CHRM3: variants seen among roughly 807,000 people sequenced by gnomAD.
CHRM3 encodes the protein muscarinic acetylcholine receptor M3.
A neutral mutation model predicts 41.8 loss-of-function variants in CHRM3; 11 were observed. That is an observed-to-expected ratio of 0.26 (90% CI 0.17 to 0.44). The LOEUF is 0.44. CHRM3 is among the 20% of genes least tolerant of loss of function. CHRM3 has a pLI of 1.00. For synonymous variants in CHRM3, 297 were observed against 301.4 expected (o/e 0.99, Z 0.15); for missense variants, 571 against 745.4 (o/e 0.77, Z 2.72).
At chr1:239,512,196 T>G (rs1558279103) in intron 2 of CHRM3, among the ~76,000 whole-genome samples, 1 of 152,186 alleles carries the variant, frequency 6.6e-6, no homozygotes, top group Non-Finnish European at 1.5e-5. Flanking sequence ...CAGTTCACTC[T>G]TGGATAGCCA....
chr1:239,881,281 T>C (rs1360288897), intron 6 of CHRM3, among the ~76,000 whole-genome samples: 2 of 1,124 alleles, frequency 1.8e-3, no homozygotes, highest in Non-Finnish European at 2.9e-3. Flanking sequence ...AGACTCCGTC[T>C]CAAAAAAAAA....
chr1:239,442,217 G>T (rs1041929093), intron 1 of CHRM3, among the ~76,000 whole-genome samples: 1 of 150,540 alleles, frequency 6.6e-6, no homozygotes, highest in Non-Finnish European at 1.5e-5. Flanking sequence ...AGCAATTCTT[G>T]TGCCTCAGCC....
intron 6 of CHRM3, among the ~76,000 whole-genome samples, chr1:239,837,514 T>G (rs920538677): frequency 6.6e-6 from 1 of 152,198 alleles, no homozygotes; most frequent in Non-Finnish European, 1.5e-5. Flanking sequence ...ACAGACATTT[T>G]GCAACCCATC....
chr1:239,614,226 A>G (rs1265400678), intron 3 of CHRM3, among the ~76,000 whole-genome samples: 2 of 152,166 alleles, frequency 1.3e-5, no homozygotes, highest in Non-Finnish European at 2.9e-5. Flanking sequence ...TTAAGAGAAA[A>G]ACAAAAGAGC....
intron 5 of CHRM3, among the ~76,000 whole-genome samples, chr1:239,817,865 T>C (rs1391330546): frequency 6.6e-6 from 1 of 152,130 alleles, no homozygotes; most frequent in African/African-American, 2.4e-5. Flanking sequence ...AGGTGCCACT[T>C]ACTAGCCACG....
rs1404783889 is a variant in CHRM3 at position 239,717,469 on chromosome 1, A to G, written c.-147+39181A>G. 1.4e-4 allele frequency among the ~76,000 whole-genome samples: 6 copies of G among 43,856 alleles called. No individual in the cohort carries two copies. The East Asian group carries it at 3.3e-3, about 24-fold the overall frequency. 28.8% of individuals were successfully genotyped at this position (43,856 alleles called of 152,430 possible). On this transcript the variant is annotated intron_variant, in intron 5 of 6. Coordinates refer to ENST00000676153, the MANE Select transcript of CHRM3 (RefSeq NM_001375978.1). ...AGAACTCAAGGAAAGACACACACGC[A>G]CACACACACACACACATGATTTTTA... is the stretch of plus-strand genomic sequence containing the variant.
chr1:239,697,638 A>C lies in CHRM3; in HGVS notation c.-147+19350A>C, dbSNP rs1009178952. On this transcript the variant is annotated intron_variant, in intron 5 of 6. Transcript: ENST00000676153. ...TCCAGCAAAGGAGGAAGAATTCAAG[A>C]CACATAAGAGAGAGGGAGGCAACAG... Among the ~76,000 whole-genome samples the C allele has an allele frequency of 2.0e-5, 3 of 152,200 alleles. No individual in the cohort carries two copies. The East Asian group carries it at 5.8e-4, about 29-fold the overall frequency.
intron 3 of CHRM3, among the ~76,000 whole-genome samples, chr1:239,604,109 ATCT>A (rs925697730): frequency 8.5e-5 from 13 of 152,186 alleles, no homozygotes; most frequent in African/African-American, 3.1e-4. Context: ...TGAATTAAAC[ATCT>A]TCTTCTTTGT....
intron 5 of CHRM3, among the ~76,000 whole-genome samples, chr1:239,822,048 CT>C (rs1401213594): frequency 6.6e-6 from 1 of 152,226 alleles, no homozygotes; most frequent in Non-Finnish European, 1.5e-5. Flanking sequence ...CCATGTGGAA[CT>C]GAGTCAATTA....
At chr1:239,443,190 CT>C (rs1245672650) in intron 1 of CHRM3, among the ~76,000 whole-genome samples, 1 of 152,078 alleles carries the variant, frequency 6.6e-6, no homozygotes, top group Non-Finnish European at 1.5e-5. Context: ...CAATATTTGT[CT>C]TTGCTCATGT....
At position 239,904,543 on chromosome 1, in the gene CHRM3, T is replaced by A. The variant is rs1679824391; in HGVS notation, c.-19-2890T>A. On this transcript the variant is annotated intron_variant, in intron 6 of 6. Transcript: ENST00000676153. ...GGATGGGGGGAGAGCAGCAGACAGA[T>A]CTTCTGTACATGCATCTTGGAAGAA... is the stretch of plus-strand genomic sequence containing the variant. Among the ~76,000 whole-genome samples the A allele has an allele frequency of 4.6e-5, 7 of 152,296 alleles. No homozygotes were observed. In the South Asian group the frequency reaches 1.5e-3, roughly 32 times the overall value.
intron 5 of CHRM3, among the ~76,000 whole-genome samples, chr1:239,796,066 A>G (rs1276671304): frequency 6.6e-6 from 1 of 152,160 alleles, no homozygotes; most frequent in African/African-American, 2.4e-5. Context: ...AAAATGCTGA[A>G]ACTCCTGTTG....
chr1:239,449,921 C>T (rs1440599340), intron 1 of CHRM3, among the ~76,000 whole-genome samples: 13 of 152,192 alleles, frequency 8.5e-5, no homozygotes, highest in South Asian at 6.2e-4. Flanking sequence ...GGTTGAGTTC[C>T]GGCTTTCAAA....
chr1:239,421,829 C>T (rs1377367064), intron 1 of CHRM3, among the ~76,000 whole-genome samples: 1 of 152,100 alleles, frequency 6.6e-6, no homozygotes, highest in Non-Finnish European at 1.5e-5. Context: ...TGCCAAACCA[C>T]ACCATACTGA....
chr1:239,561,024 A>G (rs1357846192), intron 3 of CHRM3, among the ~76,000 whole-genome samples: 1 of 152,140 alleles, frequency 6.6e-6, no homozygotes, highest in Non-Finnish European at 1.5e-5. Flanking sequence ...TTATTGAATC[A>G]GTCTCAGAAC....
chr1:239,715,563 A>G (rs1180077289), intron 5 of CHRM3, among the ~76,000 whole-genome samples: 1 of 152,174 alleles, frequency 6.6e-6, no homozygotes, highest in Non-Finnish European at 1.5e-5. Flanking sequence ...TATCAGCTCC[A>G]GTGCACCACC....
chr1:239,669,617 AG>A (rs1214952248), intron 4 of CHRM3, among the ~76,000 whole-genome samples: 1 of 152,220 alleles, frequency 6.6e-6, no homozygotes, highest in African/African-American at 2.4e-5. Context: ...AAAAGATAAA[AG>A]GGGAAAAAAA....
chr1:239,477,310 G>A (rs1289602745), intron 1 of CHRM3, among the ~76,000 whole-genome samples: 1 of 152,162 alleles, frequency 6.6e-6, no homozygotes, highest in Non-Finnish European at 1.5e-5. Context: ...TATAAAGAGA[G>A]CATGTAGAGA....
At chr1:239,774,394 G>A (rs1003079308) in intron 5 of CHRM3, among the ~76,000 whole-genome samples, 1 of 152,120 alleles carries the variant, frequency 6.6e-6, no homozygotes, top group Non-Finnish European at 1.5e-5. Flanking sequence ...AGAACAATAG[G>A]AGTTCCTGTG....
Sources: allele counts gnomAD v4.1 joint callset (sites outside exome capture counted in the v4.1 genomes callset), GRCh38; gene constraint gnomAD v4.1.1; transcripts MANE v1.5; gene names NCBI Gene and HGNC (gene_info 2026-07-23, HGNC 2026-07-21).